TRAK1: variants seen among roughly 807,000 people sequenced by gnomAD.
The protein encoded by TRAK1 is trafficking kinesin protein 1.
Under a neutral mutation model 92.1 loss-of-function variants are expected in TRAK1, and 33 were observed. That is an observed-to-expected ratio of 0.36 (90% CI 0.27 to 0.48). The LOEUF is 0.48. Among genes scored for constraint, TRAK1 ranks in the 20% least tolerant of loss-of-function variants. The probability of loss-of-function intolerance (pLI) is 0.99; values close to 1 mark genes in which losing one functional copy is unlikely to be tolerated. For synonymous variants in TRAK1, 521 were observed against 517.3 expected, an observed-to-expected ratio of 1.01 and a Z score of -0.10; for missense variants, 1,123 against 1,257.9, an observed-to-expected ratio of 0.89 and a Z score of 1.62.
chr3:42,051,971 A>G (rs1703002355), intron 1 of TRAK1, among the ~76,000 whole-genome samples: 1 of 152,110 alleles, frequency 6.6e-6, no homozygotes, highest in South Asian at 2.1e-4. Context: ...GACGTGACTC[A>G]TTTGGAAGCC....
At chr3:42,090,060 C>A (rs887346273), upstream of TRAK1, among the ~76,000 whole-genome samples, 3 of 152,182 alleles carry the variant, frequency 2.0e-5, no homozygotes, top group African/African-American at 2.4e-5. Flanking sequence ...GGGTTCTTTG[C>A]TGCCTAAGAA....
At chr3:42,022,568 T>C (rs1454932710) in intron 1 of TRAK1, among the ~76,000 whole-genome samples, 1 of 151,694 alleles carries the variant, frequency 6.6e-6, no homozygotes. Context: ...CAAAACGTAC[T>C]AAAATTAGCT....
intron 15 of TRAK1, 57 bp from the exon 16 acceptor site, chr3:42,222,885 C>T: frequency 6.4e-7 from 1 of 1,565,830 alleles, no homozygotes; most frequent in South Asian, 1.2e-5. Flanking sequence ...GGCCACTGAC[C>T]CTTTCTCTGG....
At chr3:42,116,370 A>G (rs1709163195) in intron 1 of TRAK1, among the ~76,000 whole-genome samples, 4 of 152,270 alleles carry the variant, frequency 2.6e-5, no homozygotes, top group Admixed American at 6.5e-5. Context: ...GAAAGTAATT[A>G]CTAAGACTGA....
At chr3:42,150,774 C>T (rs1641976519) in intron 2 of TRAK1, among the ~76,000 whole-genome samples, 1 of 152,224 alleles carries the variant, frequency 6.6e-6, no homozygotes, top group South Asian at 2.1e-4. Context: ...TTCAATCTCA[C>T]TGGCCCCCAG....
intron 2 of TRAK1, among the ~76,000 whole-genome samples, chr3:42,148,199 A>AT (rs1699555307): frequency 1.3e-5 from 2 of 152,172 alleles, no homozygotes. Context: ...GTCTGGAGAC[A>AT]TTTTTGGTTG....
intron 14 of TRAK1, chr3:42,211,670 G>C: frequency 1.0e-6 from 1 of 985,306 alleles, no homozygotes; most frequent in Non-Finnish European, 1.2e-6. Context: ...TCTAGAAGTT[G>C]TACAGAAGGA....
At chr3:42,044,197 G>A (rs1028323679) in intron 1 of TRAK1, among the ~76,000 whole-genome samples, 1 of 152,146 alleles carries the variant, frequency 6.6e-6, no homozygotes, top group African/African-American at 2.4e-5. Flanking sequence ...GTCTTGCTCT[G>A]TCGCCCAGGC....
rs1175358558 is a variant in TRAK1 at position 42,160,331 on chromosome 3, G to T, written c.287-16483G>T. 5 of 1,613,236 alleles carry T rather than the reference G, an allele frequency of 3.1e-6. No homozygotes were observed. The South Asian group carries it at 5.5e-5, about 18-fold the overall frequency. ...GCACCCCCAAGGATGGTCCCTTAGG[G>T]TGATGTTTTGGCTTTGGGGTGACTT... is the stretch of plus-strand genomic sequence containing the variant. On this transcript the variant is annotated intron_variant, in intron 2 of 15. Coordinates refer to ENST00000327628, the MANE Select transcript of TRAK1 (RefSeq NM_001042646.3).
intron 15 of TRAK1, among the ~76,000 whole-genome samples, chr3:42,221,307 G>A (rs958860443): frequency 6.6e-6 from 1 of 151,990 alleles, no homozygotes; most frequent in Non-Finnish European, 1.5e-5. Flanking sequence ...ATTTGTTGTG[G>A]TTTCTAATCA....
At chr3:42,022,232 C>T (rs1701748148) in intron 1 of TRAK1, among the ~76,000 whole-genome samples, 1 of 152,094 alleles carries the variant, frequency 6.6e-6, no homozygotes, top group South Asian at 2.1e-4. Context: ...TTCCAAAGGT[C>T]TCTTGTGGAA....
intron 1 of TRAK1, among the ~76,000 whole-genome samples, chr3:42,058,297 T>C (rs1011299494): frequency 2.2e-4 from 33 of 152,246 alleles, no homozygotes; most frequent in Non-Finnish European, 4.0e-4. Flanking sequence ...TTTATTATGA[T>C]AACTGAGGAC....
intron 2 of TRAK1, among the ~76,000 whole-genome samples, chr3:42,138,600 A>G (rs1350367824): frequency 6.6e-6 from 1 of 151,944 alleles, no homozygotes; most frequent in African/African-American, 2.4e-5. Context: ...AAAAATAGAG[A>G]CACTGGCCAG....
chr3:42,026,700 T>A (rs1018939289), intron 1 of TRAK1, among the ~76,000 whole-genome samples: 1 of 151,994 alleles, frequency 6.6e-6, no homozygotes, highest in Non-Finnish European at 1.5e-5. Context: ...AATTTTTGTA[T>A]TTTTAGTAGA....
intron 14 of TRAK1, chr3:42,218,346 T>C: frequency 8.1e-6 from 8 of 985,158 alleles, no homozygotes; most frequent in Non-Finnish European, 9.6e-6. Context: ...TCACAGCCTT[T>C]TGAATCTTCA....
chr3:42,029,533 T>C (rs551857892), intron 1 of TRAK1, among the ~76,000 whole-genome samples: 1 of 151,774 alleles, frequency 6.6e-6, no homozygotes, highest in Non-Finnish European at 1.5e-5. Flanking sequence ...TGAGTCAGTG[T>C]GCCCAGCCTG....
At chr3:42,204,185 TTTTAC>T (rs1708057752) in intron 13 of TRAK1, 2 of 985,848 alleles carry the variant, frequency 2.0e-6, no homozygotes, top group South Asian at 4.7e-5. Context: ...ATTTCTGCAA[TTTTAC>T]TTTCTGCCTT....
At chr3:42,092,768 G>GTTATATTATA (rs1705299433) in intron 1 of TRAK1, among the ~76,000 whole-genome samples, 4 of 142,938 alleles carry the variant, frequency 2.8e-5, no homozygotes, top group Admixed American at 7.2e-5. Flanking sequence ...GTTATGTTAT[G>GTTATATTATA]TTATTTCGTG....
chr3:42,152,949 C>T (rs1252279688), intron 2 of TRAK1, among the ~76,000 whole-genome samples: 1 of 152,140 alleles, frequency 6.6e-6, no homozygotes, highest in Non-Finnish European at 1.5e-5. Flanking sequence ...TCAGATTCCC[C>T]ATCTGGAAAA....
Sources: gnomAD v4.1 joint callset for allele counts (sites outside exome capture counted in the v4.1 genomes callset) on GRCh38, gnomAD v4.1.1 for gene constraint, MANE v1.5 for transcripts, NCBI Gene and HGNC (gene_info 2026-07-23, HGNC 2026-07-21) for gene names.